The following UVRAG variants were observed in gnomAD, a reference collection of about 807,000 sequenced individuals.
The protein encoded by UVRAG is UV radiation resistance-associated gene protein.
In UVRAG, 19 loss-of-function variants were observed where a neutral mutation model predicts 78.0. The ratio of observed to expected loss-of-function variants is 0.24; its 90% CI spans 0.17 to 0.36. UVRAG has a LOEUF of 0.36. Among genes scored for constraint, UVRAG ranks in the 10% least tolerant of loss-of-function variants. UVRAG has a pLI of 1.00. For synonymous variants in UVRAG, 323 were observed against 324.6 expected (o/e 1.00, Z 0.05); for missense variants, 740 against 853.8 (o/e 0.87, Z 1.66).
At chr11:75,981,615 C>A (rs1040556637) in intron 7 of UVRAG, among the ~76,000 whole-genome samples, 1 of 152,070 alleles carries the variant, frequency 6.6e-6, no homozygotes, top group East Asian at 1.9e-4. Context: ...TTGCCTGGCT[C>A]CATTATTTTT....
At chr11:75,961,017 A>G (rs1403115949) in intron 6 of UVRAG, among the ~76,000 whole-genome samples, 7 of 151,160 alleles carry the variant, frequency 4.6e-5, no homozygotes, top group Non-Finnish European at 7.4e-5. Context: ...CTCAACTTGG[A>G]TTACTGTGAA....
At chr11:75,861,696 G>A (rs1946425256) in intron 2 of UVRAG, 50 bp from the exon 3 acceptor site, 2 of 1,380,510 alleles carry the variant, frequency 1.4e-6, no homozygotes, top group Non-Finnish European at 2.0e-6. Context: ...GTTGGTTAAT[G>A]GGCTTATTTT....
chr11:76,016,851 A>T lies in UVRAG; in HGVS notation c.1097A>T (p.Tyr366Phe). The change falls in exon 12 of 15, where the codon TAT becomes TTT. Residue 366 changes from tyrosine (Y) to phenylalanine (F), a missense_variant. Physicochemically the swap from Tyr to Phe is conservative, Grantham distance 22. Transcript: ENST00000356136. Reference sequence around the variant, plus strand: ...GGAAGCATTGCTGTTGCCCTTGGTTATACTGCACATCTGGTCTCCATGATT... The same window carrying T: ...GGAAGCATTGCTGTTGCCCTTGGTTTTACTGCACATCTGGTCTCCATGATT... ...DDGSIAVALG[Y>F]TAHLVSMISF... 6.2e-7 allele frequency: 1 copy of T among 1,609,750 alleles called. No individual in the cohort carries two copies. Among genetic ancestry groups the T allele is most frequent in the Non-Finnish European group, 8.5e-7 (1 of 1,177,464 alleles).
At chr11:76,135,499 T>C (rs1952584559) in intron 14 of UVRAG, among the ~76,000 whole-genome samples, 1 of 151,668 alleles carries the variant, frequency 6.6e-6, no homozygotes. Flanking sequence ...GGAAATACTT[T>C]TTTACTTATG....
intron 13 of UVRAG, among the ~76,000 whole-genome samples, chr11:76,104,199 A>G (rs897119297): frequency 6.6e-6 from 1 of 152,186 alleles, no homozygotes; most frequent in Non-Finnish European, 1.5e-5. Context: ...TAGGGTTACT[A>G]TGAAGATTAA....
chr11:76,106,570 G>A (rs1951974754), intron 13 of UVRAG, among the ~76,000 whole-genome samples: 1 of 152,020 alleles, frequency 6.6e-6, no homozygotes, highest in Non-Finnish European at 1.5e-5. Flanking sequence ...GTTTTACCAT[G>A]TTGGCCAGGC....
intron 9 of UVRAG, 68 bp from the exon 10 acceptor site, chr11:76,007,465 TG>T: frequency 8.2e-7 from 1 of 1,223,440 alleles, no homozygotes. Flanking sequence ...ATTAATTGTG[TG>T]GAAATAAATG....
At chr11:75,952,768 T>C (rs1385427328) in intron 6 of UVRAG, among the ~76,000 whole-genome samples, 1 of 152,088 alleles carries the variant, frequency 6.6e-6, no homozygotes, top group African/African-American at 2.4e-5. Flanking sequence ...AGTGTTCGTG[T>C]CATGTTTTGG....
intron 11 of UVRAG, among the ~76,000 whole-genome samples, chr11:76,010,439 T>C (rs1391345699): frequency 6.6e-6 from 1 of 152,086 alleles, no homozygotes; most frequent in African/African-American, 2.4e-5. Flanking sequence ...AGAGAAGACC[T>C]CTCTAAGGAG....
intron 14 of UVRAG, among the ~76,000 whole-genome samples, chr11:76,124,290 GAA>G (rs1329911633): frequency 2.0e-4 from 31 of 152,204 alleles, no homozygotes. Flanking sequence ...AGGAGACAAA[GAA>G]AGATTCAAAA....
intron 5 of UVRAG, among the ~76,000 whole-genome samples, chr11:75,897,011 T>C (rs187596164): frequency 6.6e-6 from 1 of 152,278 alleles, no homozygotes; most frequent in African/African-American, 2.4e-5. Flanking sequence ...GGTAATATCT[T>C]TAGAGTCCAG....
At chr11:76,037,732 C>T (rs1260609115) in intron 12 of UVRAG, among the ~76,000 whole-genome samples, 6 of 151,382 alleles carry the variant, frequency 4.0e-5, no homozygotes, top group East Asian at 1.9e-4. Context: ...GTGGTGGGGG[C>T]GGGTACTTAA....
intron 6 of UVRAG, among the ~76,000 whole-genome samples, chr11:75,943,416 A>G (rs1948525974): frequency 6.6e-6 from 1 of 151,772 alleles, no homozygotes; most frequent in Non-Finnish European, 1.5e-5. Flanking sequence ...CTAATTCTGA[A>G]GTGCTTTTCT....
rs561904830 is a variant in UVRAG, at chr11:75,872,760, C to T, written c.271-7119C>T. The stretch of plus-strand genomic sequence containing the variant: ...GTTCCAGATATAACCAACCATATGA[C>T]GTTAGACAAGTGACTTAATAATTCT... On this transcript the variant is annotated intron_variant, in intron 3 of 14. Coordinates refer to ENST00000356136, the MANE Select transcript of UVRAG (RefSeq NM_003369.4). 3.9e-5 allele frequency among the ~76,000 whole-genome samples: 6 copies of T among 152,212 alleles called. No homozygotes were observed. In the South Asian group the frequency reaches 1.2e-3, roughly 32 times the overall value.
Position 76,141,361 on chromosome 11 carries a change from T to C in UVRAG, c.2048T>C (p.Leu683Pro). 6.2e-7 allele frequency: 1 copy of C among 1,614,144 alleles called. No individual in the cohort carries two copies. The highest frequency in any genetic ancestry group is 1.7e-5 in the Admixed American group (1 of 60,028). Residue 683 changes from leucine to proline, a missense_variant, in exon 15 of 15, where the codon CTG (leucine) becomes CCG (proline). By Grantham distance (98) the Leu-to-Pro change is moderately conservative. Coordinates refer to ENST00000356136, the MANE Select transcript of UVRAG (RefSeq NM_003369.4). The stretch of plus-strand genomic sequence containing the variant: ...GAGTTCTCCCGAAGGATCTATGCAC[T>C]GAATGAAAACGTATCCAGCTTCCGC... ...FEEFSRRIYA[L>P]NENVSSFRRP... is the part of the protein sequence containing the mutation.
At chr11:75,825,807 A>G (rs1313650833) in intron 1 of UVRAG, among the ~76,000 whole-genome samples, 3 of 151,104 alleles carry the variant, frequency 2.0e-5, no homozygotes, top group African/African-American at 7.3e-5. Flanking sequence ...GAACAGTTCC[A>G]CTGTTCTTGG....
intron 12 of UVRAG, among the ~76,000 whole-genome samples, chr11:76,045,363 A>G (rs56376662): frequency 0.024 from 3,637 of 152,324 alleles, 148 homozygotes; most frequent in African/African-American, 0.081. Context: ...GTCAATGCAC[A>G]TCTTTCAATA....
chr11:75,865,625 T>A (rs1488509004), intron 3 of UVRAG, among the ~76,000 whole-genome samples: 1 of 152,168 alleles, frequency 6.6e-6, no homozygotes, highest in Non-Finnish European at 1.5e-5. Context: ...TTTCTTTTTT[T>A]TTTTTTGAGA....
intron 6 of UVRAG, among the ~76,000 whole-genome samples, chr11:75,921,790 TG>T (rs1403054840): frequency 6.6e-6 from 1 of 152,124 alleles, no homozygotes; most frequent in Non-Finnish European, 1.5e-5. Context: ...ATGAATTCAT[TG>T]TGCCAGCACC....
Sources: allele counts gnomAD v4.1 joint callset (sites outside exome capture counted in the v4.1 genomes callset), GRCh38; gene constraint gnomAD v4.1.1; transcripts MANE v1.5; gene names NCBI Gene and HGNC (gene_info 2026-07-23, HGNC 2026-07-21).